Variants in CLUAP1 observed in about 807,000 individuals in gnomAD.
CLUAP1 encodes the protein intraflagellar transport 38, also known as clusterin-associated protein 1.
In CLUAP1, 50 loss-of-function variants were observed where a neutral mutation model predicts 55.0. The ratio of observed to expected loss-of-function variants is 0.91; its 90% CI spans 0.72 to 1.15. The LOEUF is 1.15. Among genes scored for constraint, CLUAP1 ranks in the 50% most tolerant of loss-of-function variants. The probability of loss-of-function intolerance (pLI) is 0.00; values close to 1 mark genes in which losing one functional copy is unlikely to be tolerated. For synonymous variants in CLUAP1, 195 were observed against 175.4 expected, an observed-to-expected ratio of 1.11 and a Z score of -0.88; for missense variants, 530 against 507.6, an observed-to-expected ratio of 1.04 and a Z score of -0.42.
At chr16:3,498,863 AAAAC>A (rs201830529), upstream of CLUAP1, among the ~76,000 whole-genome samples, 2,308 of 151,488 alleles carry the variant, frequency 0.015, 25 homozygotes, top group East Asian at 0.041. Flanking sequence ...TCCATCTCAA[AAAAC>A]AAACAAACAA....
chr16:3,502,599 G>A (rs2037427864), intron 1 of CLUAP1, among the ~76,000 whole-genome samples: 1 of 152,150 alleles, frequency 6.6e-6, no homozygotes, highest in Non-Finnish European at 1.5e-5. Context: ...TTTCTACAAT[G>A]TAAAAATATC....
At chr16:3,510,253 C>A (rs1486790352) in intron 4 of CLUAP1, among the ~76,000 whole-genome samples, 3 of 151,778 alleles carry the variant, frequency 2.0e-5, no homozygotes, top group Admixed American at 2.0e-4. Context: ...CTCAGCCTCC[C>A]AAAGTGCTAG....
chr16:3,496,057 C>T, upstream of CLUAP1: 1 of 325,286 alleles, frequency 3.1e-6, no homozygotes, highest in Non-Finnish European at 6.0e-6. Flanking sequence ...AGGAGAATGG[C>T]GTGAACCCGG....
At chr16:3,509,367 G>A (rs888043842) in intron 4 of CLUAP1, among the ~76,000 whole-genome samples, 4 of 152,220 alleles carry the variant, frequency 2.6e-5, no homozygotes, top group African/African-American at 9.6e-5. Flanking sequence ...CTTTGTCTTT[G>A]CCTCTAAGGT....
At chr16:3,521,466 C>G (rs1383174969) in intron 7 of CLUAP1, among the ~76,000 whole-genome samples, 1 of 149,938 alleles carries the variant, frequency 6.7e-6, no homozygotes, top group African/African-American at 2.5e-5. Context: ...TGGAGTTTCG[C>G]TCTTGTTGCC....
At chr16:3,497,083 C>G (rs1319880077), upstream of CLUAP1, among the ~76,000 whole-genome samples, 16 of 151,840 alleles carry the variant, frequency 1.1e-4, no homozygotes, top group African/African-American at 3.9e-4. Flanking sequence ...GTTGGCCAGG[C>G]TGGTCTCAAA....
Position 3,526,493 on chromosome 16 carries a change from G to T in CLUAP1, c.928+9G>T, listed in dbSNP as rs779889593. The T allele has an allele frequency of 7.5e-6, 12 of 1,597,602 alleles. No individual in the cohort carries two copies. The East Asian group carries it at 2.7e-4, about 36-fold the overall frequency. On this transcript the variant is annotated intron_variant, in intron 9 of 11. Coordinates refer to ENST00000576634, the MANE Select transcript of CLUAP1 (RefSeq NM_015041.3). The stretch of plus-strand genomic sequence containing the variant: ...CCTGCTCAAGAGTGGAAGTAAGGCT[G>T]GGCTTCGTAGACGAGCAGTTTACTC...
chr16:3,530,094 G>A (rs962357665), intron 9 of CLUAP1, among the ~76,000 whole-genome samples: 1 of 150,582 alleles, frequency 6.6e-6, no homozygotes, highest in Non-Finnish European at 1.5e-5. Flanking sequence ...ATGGCAGAAG[G>A]GCAAAGAGAG....
At position 3,523,242 on chromosome 16, in the gene CLUAP1, G is replaced by T; in HGVS notation, c.798G>T (p.Leu266=). 6.2e-7 allele frequency: 1 copy of T among 1,613,900 alleles called. No homozygotes were observed. The highest frequency in any genetic ancestry group is 8.5e-7 in the Non-Finnish European group (1 of 1,179,982). The change falls in exon 8 of 12, where the codon CTG becomes CTT. Residue 266 remains leucine, a synonymous_variant. Transcript: ENST00000576634. ...YDTYLEKFQN[L]TYLEQQLEDH... ...CTTATCTGGAGAAATTTCAAAATCT[G>T]ACTTATCTGGAACAACAGCTTGAAG...
At chr16:3,500,048 AAG>A (rs1195035348), upstream of CLUAP1, among the ~76,000 whole-genome samples, 1 of 152,240 alleles carries the variant, frequency 6.6e-6, no homozygotes, top group African/African-American at 2.4e-5. Context: ...GTTCCTGCTC[AAG>A]CTACCTTACA....
intron 7 of CLUAP1, among the ~76,000 whole-genome samples, chr16:3,521,448 T>C (rs531950803): frequency 2.0e-4 from 30 of 151,800 alleles, no homozygotes; most frequent in African/African-American, 6.5e-4. Flanking sequence ...TGTTTTTTTT[T>C]TTTGAGTTGG....
chr16:3,511,716 T>A (rs1013094271), intron 4 of CLUAP1, among the ~76,000 whole-genome samples: 5 of 152,112 alleles, frequency 3.3e-5, no homozygotes, highest in African/African-American at 1.2e-4. Context: ...GACATTAGGT[T>A]TTTTGGAGAG....
At chr16:3,498,686 C>T (rs1370816226), upstream of CLUAP1, among the ~76,000 whole-genome samples, 9 of 151,872 alleles carry the variant, frequency 5.9e-5, no homozygotes, top group South Asian at 8.3e-4. Flanking sequence ...GGTGAAAGCC[C>T]GTCTCTACTA....
At chr16:3,522,950 C>T (rs2037869195) in intron 7 of CLUAP1, among the ~76,000 whole-genome samples, 1 of 152,012 alleles carries the variant, frequency 6.6e-6, no homozygotes, top group Non-Finnish European at 1.5e-5. Flanking sequence ...ACAAAGAGCA[C>T]ATCTTATTTA....
At position 3,511,735 on chromosome 16, in the gene CLUAP1, G is replaced by A. The variant is rs565976008; in HGVS notation, c.400-648G>A. 3.3e-5 allele frequency among the ~76,000 whole-genome samples: 5 copies of A among 152,292 alleles called. No homozygotes were observed. In the East Asian group the frequency reaches 5.8e-4, roughly 18 times the overall value. On this transcript the variant is annotated intron_variant, in intron 4 of 11. Coordinates refer to ENST00000576634, the MANE Select transcript of CLUAP1 (RefSeq NM_015041.3). ...TTAGGTTTTTTGGAGAGACCCAGGC[G>A]TCCTGGAATTGGTCTCTTTAGTACT...
At position 3,532,750 on chromosome 16, in the gene CLUAP1, AT is replaced by A. The variant is rs755808643; in HGVS notation, c.1037-31del. 2.7e-5 allele frequency: 43 copies of A among 1,611,160 alleles called. 1 individual carries two copies. In the South Asian group the frequency reaches 4.5e-4, roughly 17 times the overall value. ...GCTATTTCCTGCTTTATTTTCCAAG[AT>A]TTTTATGACTTCTTCATGCTTTTGT... On this transcript the variant is annotated intron_variant, in intron 10 of 11. Coordinates refer to ENST00000576634, the MANE Select transcript of CLUAP1 (RefSeq NM_015041.3).
chr16:3,522,348 G>C (rs1341618997), intron 7 of CLUAP1, among the ~76,000 whole-genome samples: 1 of 152,108 alleles, frequency 6.6e-6, no homozygotes, highest in Admixed American at 6.6e-5. Context: ...ATTTTTAGTA[G>C]AGACGAGGTT....
At chr16:3,533,286 G>A (rs1055011625) in intron 11 of CLUAP1, 5 of 721,388 alleles carry the variant, frequency 6.9e-6, no homozygotes, top group Middle Eastern at 3.3e-4. Flanking sequence ...AGATCCTGTG[G>A]TGACAGCGGG....
At chr16:3,500,997 G>T, upstream of CLUAP1, 4 of 1,505,802 alleles carry the variant, frequency 2.7e-6, no homozygotes, top group Non-Finnish European at 3.6e-6. Flanking sequence ...CATAGAGATC[G>T]TCGAGCGCTG....
Sources: allele counts gnomAD v4.1 joint callset (sites outside exome capture counted in the v4.1 genomes callset), GRCh38; gene constraint gnomAD v4.1.1; transcripts MANE v1.5; gene names NCBI Gene and HGNC (gene_info 2026-07-23, HGNC 2026-07-21).